Variants in EPB41L3 observed in about 807,000 individuals in gnomAD.
EPB41L3 encodes the protein band 4.1-like protein 3.
Under a neutral mutation model 127.1 loss-of-function variants are expected in EPB41L3, and 57 were observed. The observed-to-expected ratio is 0.45, with a 90% CI of 0.36 to 0.56. The LOEUF is 0.56. Among genes scored for constraint, EPB41L3 ranks in the 20% least tolerant of loss-of-function variants. The pLI, the probability that EPB41L3 is intolerant of heterozygous loss-of-function variation, is 0.00. For missense variants in EPB41L3, 1,273 were observed against 1,372.2 expected, an observed-to-expected ratio of 0.93 and a Z score of 1.14; for synonymous variants, 572 against 549.5, an observed-to-expected ratio of 1.04 and a Z score of -0.57.
intron 3 of EPB41L3, among the ~76,000 whole-genome samples, chr18:5,559,374 C>A (rs1266722966): frequency 6.6e-6 from 1 of 152,142 alleles, no homozygotes; most frequent in Non-Finnish European, 1.5e-5. Flanking sequence ...TCTCCACCCG[C>A]CTTGCAAGGA....
intron 13 of EPB41L3, among the ~76,000 whole-genome samples, chr18:5,411,646 A>G: frequency 7.7e-6 from 1 of 130,366 alleles, no homozygotes; most frequent in East Asian, 1.9e-4. Context: ...CCCTTGATCA[A>G]ATATCTGTGA....
At chr18:5,423,218 G>T (rs187659211) in intron 11 of EPB41L3, among the ~76,000 whole-genome samples, 160 bp downstream of exon 11, 1 of 152,082 alleles carries the variant, frequency 6.6e-6, no homozygotes, top group African/African-American at 2.4e-5. Flanking sequence ...CTTTCATTTC[G>T]CTGGGGGAGA....
chr18:5,503,148 T>C (rs2091883816), intron 1 of EPB41L3, among the ~76,000 whole-genome samples: 1 of 152,238 alleles, frequency 6.6e-6, no homozygotes, highest in African/African-American at 2.4e-5. Context: ...ATTATATTTA[T>C]CACTTTTTTT....
chr18:5,469,207 C>T lies in EPB41L3; in HGVS notation c.381+9034G>A, dbSNP rs2085597205. ...GGGGGTGACAAGAAGGAGAGAAGGGCTGCACCCCTTCTGGGAGCCCAGACC... is the reference window on the plus strand; with the variant it reads ...GGGGGTGACAAGAAGGAGAGAAGGGTTGCACCCCTTCTGGGAGCCCAGACC... On this transcript the variant is annotated intron_variant, in intron 3 of 22. Transcript: ENST00000341928. 2.0e-5 allele frequency among the ~76,000 whole-genome samples: 3 copies of T among 152,190 alleles called. No homozygotes were observed. The East Asian group carries it at 5.8e-4, about 29-fold the overall frequency.
Position 5,397,430 on chromosome 18 carries a change from C to G in EPB41L3, c.2473-4G>C, listed in dbSNP as rs761601471. The G allele has an allele frequency of 2.5e-6, 4 of 1,601,572 alleles. No individual in the cohort carries two copies. The highest frequency in any genetic ancestry group is 2.2e-5 in the East Asian group (1 of 44,614). ...ACTCCGTCTTGGTTTCCATTTTCTG[C>G]ATGGGAAGAGATTGTGGCATCAGTG... On this transcript the variant is annotated splice_region_variant and splice_polypyrimidine_tract_variant and intron_variant, in intron 17 of 22. Coordinates refer to ENST00000341928, the MANE Select transcript of EPB41L3 (RefSeq NM_012307.5). This position sits in a 1 kb window ranked among gnomAD's most constrained non-coding sequence, Gnocchi z 4.1.
chr18:5,550,381 T>C (rs2093947714), intron 3 of EPB41L3, among the ~76,000 whole-genome samples: 1 of 152,192 alleles, frequency 6.6e-6, no homozygotes, highest in African/African-American at 2.4e-5. Flanking sequence ...ATATCATTTA[T>C]CGTTTTAAAT....
intron 3 of EPB41L3, among the ~76,000 whole-genome samples, chr18:5,476,575 T>C (rs2087277812): frequency 6.6e-6 from 1 of 152,228 alleles, no homozygotes; most frequent in Admixed American, 6.5e-5. Flanking sequence ...AAGACTCTGA[T>C]AGCTAGGACT....
intron 15 of EPB41L3, chr18:5,407,385 C>T (rs1405027035): frequency 2.4e-6 from 1 of 417,852 alleles, no homozygotes; most frequent in Non-Finnish European, 4.2e-6. Flanking sequence ...AGGTATTACA[C>T]TAAAAGAAAA....
intron 1 of EPB41L3, among the ~76,000 whole-genome samples, chr18:5,521,704 T>A (rs2092997553): frequency 6.6e-6 from 1 of 152,158 alleles, no homozygotes; most frequent in African/African-American, 2.4e-5. Flanking sequence ...AATATCTACC[T>A]AACACAGATG....
intron 1 of EPB41L3, among the ~76,000 whole-genome samples, chr18:5,625,460 G>A (rs151218325): frequency 1.2e-4 from 18 of 152,298 alleles, no homozygotes; most frequent in Middle Eastern, 3.4e-3. Flanking sequence ...CCACACAGGT[G>A]ACTCAGGACA....
At chr18:5,571,286 A>T (rs1244011915) in intron 3 of EPB41L3, among the ~76,000 whole-genome samples, 1 of 152,236 alleles carries the variant, frequency 6.6e-6, no homozygotes, top group East Asian at 1.9e-4. Context: ...TTAGAAAATT[A>T]TTCTTTAGAG....
chr18:5,428,655 G>C (rs2078560327), intron 8 of EPB41L3, among the ~76,000 whole-genome samples, 190 bp from the exon 9 acceptor site: 1 of 152,064 alleles, frequency 6.6e-6, no homozygotes, highest in Admixed American at 6.5e-5. Context: ...ACTATGGAGA[G>C]GTTTGTTAGA....
intron 14 of EPB41L3, among the ~76,000 whole-genome samples, chr18:5,409,362 T>C (rs2075903139): frequency 6.6e-6 from 1 of 152,156 alleles, no homozygotes; most frequent in African/African-American, 2.4e-5. Context: ...TCCAATGAAA[T>C]TTACTGGATG....
At chr18:5,616,377 T>C (rs1305552798) in intron 1 of EPB41L3, among the ~76,000 whole-genome samples, 2 of 152,178 alleles carry the variant, frequency 1.3e-5, no homozygotes, top group African/African-American at 4.8e-5. Context: ...TCCTCTTTGA[T>C]GATTCCCCAG....
intron 3 of EPB41L3, among the ~76,000 whole-genome samples, chr18:5,446,230 A>AT (rs1250747946): frequency 6.6e-6 from 1 of 152,242 alleles, no homozygotes; most frequent in Non-Finnish European, 1.5e-5. Context: ...CTTATTAAAC[A>AT]TAACAAAATA....
chr18:5,477,141 G>C (rs1487337861), intron 3 of EPB41L3, among the ~76,000 whole-genome samples: 1 of 152,120 alleles, frequency 6.6e-6, no homozygotes, highest in Non-Finnish European at 1.5e-5. Context: ...AAAAACACTG[G>C]GTGCATGAGC....
At chr18:5,600,874 T>C (rs2094583573) in intron 3 of EPB41L3, among the ~76,000 whole-genome samples, 1 of 151,894 alleles carries the variant, frequency 6.6e-6, no homozygotes, top group Admixed American at 6.6e-5. Flanking sequence ...GGGGCGGAGG[T>C]GTAAAAGGCA....
intron 3 of EPB41L3, among the ~76,000 whole-genome samples, chr18:5,475,389 C>CA (rs35012113): frequency 0.32 from 48,621 of 152,072 alleles, 8,133 homozygotes; most frequent in East Asian, 0.47. Context: ...CATGGGTTAC[C>CA]ATTAGCCCTC....
At chr18:5,415,231 T>C (rs2076653401) in intron 13 of EPB41L3, among the ~76,000 whole-genome samples, 1 of 152,198 alleles carries the variant, frequency 6.6e-6, no homozygotes, top group Admixed American at 6.5e-5. Flanking sequence ...TTTAAACTGC[T>C]CTGACACAAT....
Sources: gnomAD v4.1 joint callset for allele counts (sites outside exome capture counted in the v4.1 genomes callset) on GRCh38, gnomAD v4.1.1 for gene constraint, Gnocchi (gnomAD v3.1) non-coding constraint, MANE v1.5 for transcripts, NCBI Gene and HGNC (gene_info 2026-07-23, HGNC 2026-07-21) for gene names.